The following NUTM2G variants were observed in gnomAD, a reference collection of about 807,000 sequenced individuals.
NUTM2G encodes family with sequence similarity 22, member G.
A neutral mutation model predicts 44.3 loss-of-function variants in NUTM2G; 29 were observed. The ratio of observed to expected loss-of-function variants is 0.66; its 90% CI spans 0.49 to 0.89. The LOEUF (loss-of-function observed/expected upper bound fraction) is 0.89, where lower values mean the gene tolerates loss of function less well. Ranked by LOEUF, NUTM2G falls within the 40% of genes least tolerant of loss-of-function variation. The pLI is 0.00. For missense variants in NUTM2G, 502 were observed against 946.5 expected (o/e 0.53, Z 6.16); for synonymous variants, 205 against 395.9 (o/e 0.52, Z 5.72).
chr9:96,931,041 C>T (rs541318733), intron 1 of NUTM2G, among the ~76,000 whole-genome samples: 2 of 151,730 alleles, frequency 1.3e-5, no homozygotes, highest in Non-Finnish European at 2.9e-5. Flanking sequence ...ATTACAGGCA[C>T]GCATCATCAG....
At chr9:96,931,652 CCT>C (rs1159623698) in intron 1 of NUTM2G, 68 bp from the exon 2 acceptor site, 62 of 1,579,914 alleles carry the variant, frequency 3.9e-5, no homozygotes, top group South Asian at 1.6e-4. Context: ...TTGGGACTCC[CCT>C]GATTCCCCAG....
At chr9:96,929,250 G>A (rs1206601761) in intron 1 of NUTM2G, among the ~76,000 whole-genome samples, 1 of 152,120 alleles carries the variant, frequency 6.6e-6, no homozygotes, top group Non-Finnish European at 1.5e-5. Flanking sequence ...AGATGCCTGG[G>A]GGAATACACC....
chr9:96,937,923 G>A lies in NUTM2G; in HGVS notation c.1362G>A (p.Leu454=), dbSNP rs1213288635. The A allele has an allele frequency of 1.2e-6, 2 of 1,611,652 alleles. No individual in the cohort carries two copies. The highest frequency in any genetic ancestry group is 1.7e-6 in the Non-Finnish European group (2 of 1,179,788). Reference sequence around the variant, plus strand: ...TTCACCCCCGATTCCTGGAAGAATTGCTTTCCCCAGATCCACAGATGGATT... The same window carrying A: ...TTCACCCCCGATTCCTGGAAGAATTACTTTCCCCAGATCCACAGATGGATT... The part of the protein sequence containing the change: ...AVIHPRFLEE[L]LSPDPQMDFL... Residue 454 remains leucine, a synonymous_variant, in exon 6 of 7, where the codon TTG becomes TTA. Transcript: ENST00000372322.
At chr9:96,934,071 A>C (rs1826354347) in intron 2 of NUTM2G, among the ~76,000 whole-genome samples, 1 of 152,158 alleles carries the variant, frequency 6.6e-6, no homozygotes. Flanking sequence ...TATCAGGACT[A>C]GGCCATCTAG....
rs764322322 is a variant in NUTM2G at position 96,932,001 on chromosome 9, C to T, written c.296C>T (p.Thr99Ile). 5 of 1,610,304 alleles carry T rather than the reference C, an allele frequency of 3.1e-6. No homozygotes were observed. Among genetic ancestry groups the T allele is most frequent in the African/African-American group, 1.3e-5 (1 of 74,840 alleles). Residue 99 changes from threonine to isoleucine, a missense_variant, in exon 2 of 7, where the codon ACC (threonine) becomes ATC (isoleucine). Thr to Ile is a moderately conservative substitution (Grantham distance 89). Coordinates refer to ENST00000372322, the MANE Select transcript of NUTM2G (RefSeq NM_001170741.3). ...VGPVKPPQAQ[T>I]LILTQAPLVW... is the part of the protein sequence containing the mutation. The stretch of plus-strand genomic sequence containing the variant: ...CCTGTGAAGCCCCCTCAGGCACAGA[C>T]CTTGATCCTAACTCAGGCCCCCCTC...
At chr9:96,931,657 T>C in intron 1 of NUTM2G, 65 bp from the exon 2 acceptor site, 2 of 1,590,774 alleles carry the variant, frequency 1.3e-6, no homozygotes. Flanking sequence ...ACTCCCCTGA[T>C]TCCCCAGTGA....
downstream of NUTM2G, chr9:96,940,069 C>A (rs1176321363): frequency 8.0e-6 from 1 of 124,880 alleles, no homozygotes; most frequent in Non-Finnish European, 1.6e-5. Context: ...GATGTAGACA[C>A]AGATTTACAT....
chr9:96,939,249 TCTC>T lies in NUTM2G; in HGVS notation c.*105_*107del, dbSNP rs1354108952. 5.1e-6 allele frequency: 2 copies of T among 393,676 alleles called. No individual in the cohort carries two copies. Among genetic ancestry groups the T allele is most frequent in the African/African-American group, 1.0e-4 (1 of 9,986 alleles). The allele number at this position is 393,676 out of a possible 1,614,324, so 24.4% of individuals were successfully genotyped here. ...CCGGTGCCCCAAAGCAAAGGCTGCT[TCTC>T]CTCCAGTGCTGATCTTGCTGGGCCT... On this transcript the variant is annotated 3_prime_UTR_variant, in exon 7 of 7. Transcript: ENST00000372322.
At chr9:96,930,870 T>C (rs1826216576) in intron 1 of NUTM2G, among the ~76,000 whole-genome samples, 2 of 119,806 alleles carry the variant, frequency 1.7e-5, no homozygotes, top group South Asian at 5.7e-4. Flanking sequence ...TTCCATCCAG[T>C]GGTTTTTTTT....
At chr9:96,937,569 T>A (rs1826477721) in intron 5 of NUTM2G, among the ~76,000 whole-genome samples, 165 bp downstream of exon 5, 1 of 152,050 alleles carries the variant, frequency 6.6e-6, no homozygotes, top group Non-Finnish European at 1.5e-5. Flanking sequence ...TGTGTGTTTG[T>A]GTCTGTGATT....
At position 96,937,296 on chromosome 9, in the gene NUTM2G, G is replaced by C; in HGVS notation, c.1215G>C (p.Arg405=). ...ACACAGGGGAGCCTGAGGGACAACG[G>C]GAAAAGGGCAAAGTGGAGCAGCCGC... ...PGDTGEPEGQ[R]EKGKVEQPQE... Residue 405 remains arginine (R), a synonymous_variant, in exon 5 of 7, where the codon CGG becomes CGC. Transcript: ENST00000372322. 6.2e-7 allele frequency: 1 copy of C among 1,613,826 alleles called. No homozygotes were observed. The highest frequency in any genetic ancestry group is 2.2e-5 in the East Asian group (1 of 44,884).
At position 96,931,983 on chromosome 9, in the gene NUTM2G, A is replaced by C. The variant is rs762856469; in HGVS notation, c.278A>C (p.Lys93Thr). ...VQMRTEVGPV[K>T]PPQAQTLILT... The stretch of plus-strand genomic sequence containing the variant: ...ATGAGGACAGAAGTGGGGCCTGTGA[A>C]GCCCCCTCAGGCACAGACCTTGATC... The change falls in exon 2 of 7, where the codon AAG (lysine) becomes ACG (threonine). Residue 93 changes from lysine to threonine, a missense_variant. Lys to Thr is a moderately conservative substitution (Grantham distance 78). Transcript: ENST00000372322. The C allele has an allele frequency of 2.5e-6, 4 of 1,611,352 alleles. No individual in the cohort carries two copies. The highest frequency in any genetic ancestry group is 3.4e-6 in the Non-Finnish European group (4 of 1,179,716).
At chr9:96,934,860 G>T (rs1564032360) in intron 2 of NUTM2G, among the ~76,000 whole-genome samples, 1 of 151,880 alleles carries the variant, frequency 6.6e-6, no homozygotes, top group East Asian at 1.9e-4. Context: ...GTCTGGTCAG[G>T]GCCCTCTTCC....
chr9:96,930,225 G>A (rs981096399), intron 1 of NUTM2G, among the ~76,000 whole-genome samples: 2 of 151,802 alleles, frequency 1.3e-5, no homozygotes, highest in African/African-American at 2.4e-5. Flanking sequence ...AACATGACTA[G>A]CAGCTGTGAA....
chr9:96,936,922 C>A, intron 4 of NUTM2G, 142 bp from the exon 5 acceptor site: 1 of 1,346,234 alleles, frequency 7.4e-7, no homozygotes. Flanking sequence ...CCTCCTGCGG[C>A]GTCTCCTCCG....
chr9:96,937,070 T>C lies in NUTM2G; in HGVS notation c.989T>C (p.Leu330Pro). 6.2e-7 allele frequency: 1 copy of C among 1,606,654 alleles called. No individual in the cohort carries two copies. The highest frequency in any genetic ancestry group is 8.5e-7 in the Non-Finnish European group (1 of 1,178,518). The change falls in exon 5 of 7, where the codon CTT becomes CCT. Residue 330 changes from leucine to proline, a missense_variant. Coordinates refer to ENST00000372322, the MANE Select transcript of NUTM2G (RefSeq NM_001170741.3). ...TCCTCCCTCTCTGCCTCAGTGTACC[T>C]TCCCAGCAAGGATGGCCCCAAGGCC... is the stretch of plus-strand genomic sequence containing the variant. The part of the protein sequence containing the change: ...APEVVKQPVY[L>P]PSKDGPKAPT...
chr9:96,934,181 C>T (rs997649655), intron 2 of NUTM2G, among the ~76,000 whole-genome samples: 32 of 152,136 alleles, frequency 2.1e-4, no homozygotes, highest in Non-Finnish European at 1.2e-4. Context: ...GAGGCAGCAA[C>T]ATCAGCATCT....
At chr9:96,932,940 T>C (rs1402293871) in intron 2 of NUTM2G, among the ~76,000 whole-genome samples, 2 of 151,462 alleles carry the variant, frequency 1.3e-5, no homozygotes, top group South Asian at 2.1e-4. Context: ...TGAGCCATCA[T>C]GCCCCGCCCC....
At chr9:96,930,886 T>G (rs1280978434) in intron 1 of NUTM2G, among the ~76,000 whole-genome samples, 3 of 70,692 alleles carry the variant, frequency 4.2e-5, no homozygotes, top group South Asian at 4.4e-4. Context: ...TTTTTTTTTT[T>G]TTTTTTTTTT....
Sources: allele counts gnomAD v4.1 joint callset (sites outside exome capture counted in the v4.1 genomes callset), GRCh38; gene constraint gnomAD v4.1.1; transcripts MANE v1.5; gene names NCBI Gene and HGNC (gene_info 2026-07-23, HGNC 2026-07-21).